The following BTBD2 variants were observed in gnomAD, a reference collection of about 807,000 sequenced individuals.
BTBD2 encodes BTB/POZ domain-containing protein 2.
BTBD2 carries 15 observed loss-of-function variants against 44.0 expected under a neutral mutation model. The observed-to-expected ratio is 0.34, with a 90% CI of 0.23 to 0.53. The LOEUF (loss-of-function observed/expected upper bound fraction) is 0.53, where lower values mean the gene tolerates loss of function less well. Ranked by LOEUF, BTBD2 falls within the 20% of genes least tolerant of loss-of-function variation. The pLI is 0.95. For missense variants in BTBD2, 657 were observed against 746.4 expected (o/e 0.88, Z 1.39); for synonymous variants, 443 against 335.9 (o/e 1.32, Z -3.49).
intron 2 of BTBD2, among the ~76,000 whole-genome samples, chr19:1,996,113 T>C (rs549491490): frequency 1.3e-5 from 2 of 152,186 alleles, no homozygotes; most frequent in Non-Finnish European, 2.9e-5. Flanking sequence ...TTTAACCCTA[T>C]GTGCAAAGGT....
chr19:1,993,247 C>T (rs2016206075), intron 2 of BTBD2, 71 bp from the exon 3 acceptor site: 2 of 1,510,296 alleles, frequency 1.3e-6, no homozygotes, highest in East Asian at 5.1e-5. Context: ...CGTCAGGGGA[C>T]CACTCAGACC....
chr19:2,013,747 C>G, intron 1 of BTBD2: 1 of 913,622 alleles, frequency 1.1e-6, no homozygotes, highest in African/African-American at 1.8e-5. Context: ...GTTTGAAGGT[C>G]TCTGATCCAG....
chr19:2,001,764 G>A (rs1599356466), intron 1 of BTBD2, among the ~76,000 whole-genome samples: 1 of 152,216 alleles, frequency 6.6e-6, no homozygotes, highest in East Asian at 1.9e-4. Flanking sequence ...TTGAGACGGA[G>A]TCTCGCTCTG....
intron 3 of BTBD2, among the ~76,000 whole-genome samples, 183 bp downstream of exon 3, chr19:1,992,837 G>A (rs2016197914): frequency 1.3e-5 from 2 of 152,184 alleles, no homozygotes; most frequent in South Asian, 4.1e-4. Context: ...CTCCCAAAGT[G>A]CCGGGATTAC....
intron 2 of BTBD2, among the ~76,000 whole-genome samples, chr19:1,993,717 T>C (rs1009155288): frequency 1.3e-5 from 2 of 151,494 alleles, no homozygotes; most frequent in Non-Finnish European, 2.9e-5. Flanking sequence ...AAGCACAGGC[T>C]GGGCCTGGTG....
intron 1 of BTBD2, among the ~76,000 whole-genome samples, chr19:1,999,687 G>A (rs773258063): frequency 3.5e-4 from 53 of 151,518 alleles, no homozygotes; most frequent in Non-Finnish European, 7.2e-4. Flanking sequence ...AAGGCCAGGT[G>A]CAGTGGCTCA....
At position 2,007,183 on chromosome 19, in the gene BTBD2, G is replaced by GT. The variant is rs541661128; in HGVS notation, c.407+8113dup. Among the ~76,000 whole-genome samples, 27 of 152,172 alleles carry GT rather than the reference G, an allele frequency of 1.8e-4. No individual in the cohort carries two copies. The East Asian group carries it at 5.0e-3, about 28-fold the overall frequency. On this transcript the variant is annotated intron_variant, in intron 1 of 8. Transcript: ENST00000255608. Reference sequence around the variant, plus strand: ...TTTTTGTATTTTTAGTAGAGACGGAGTATCACCATGTTGGCCAGGCTGGTC... The same window carrying GT: ...TTTTTGTATTTTTAGTAGAGACGGAGTTATCACCATGTTGGCCAGGCTGGTC...
chr19:1,999,435 G>T (rs1344757285), intron 1 of BTBD2, among the ~76,000 whole-genome samples: 1 of 152,218 alleles, frequency 6.6e-6, no homozygotes, highest in Non-Finnish European at 1.5e-5. Flanking sequence ...GGAGACCAAG[G>T]CGGGAGGATC....
At chr19:1,997,517 C>T (rs1466559272) in intron 1 of BTBD2, 54 bp from the exon 2 acceptor site, 20 of 1,606,778 alleles carry the variant, frequency 1.2e-5, no homozygotes, top group Admixed American at 1.7e-5. Flanking sequence ...ACCCCACGGC[C>T]GGGAGGGCCA....
chr19:1,997,602 G>A lies in BTBD2; in HGVS notation c.408-139C>T, dbSNP rs1008823302. 4 of 1,296,238 alleles carry A rather than the reference G, an allele frequency of 3.1e-6. No homozygotes were observed. In the African/African-American group the frequency reaches 6.0e-5, roughly 19 times the overall value. The allele number at this position is 1,296,238 out of a possible 1,614,324, so 80.3% of individuals were successfully genotyped here. A position where few individuals can be genotyped will look rare whatever the true frequency, so the allele number is the denominator to read the frequency against. On this transcript the variant is annotated intron_variant, in intron 1 of 8. Coordinates refer to ENST00000255608, the MANE Select transcript of BTBD2 (RefSeq NM_017797.4). ...GCAGGCATGTACCAGGCCCCCCGATGGCAGAGGCTTCTGGAAGGGGCCTGG... is the reference window on the plus strand; with the variant it reads ...GCAGGCATGTACCAGGCCCCCCGATAGCAGAGGCTTCTGGAAGGGGCCTGG...
In BTBD2 at chr19:2,015,333, C is replaced by T. The variant is rs755224167; in HGVS notation, c.371G>A (p.Gly124Asp). ...GATGCGCTGCGAGCTGAGCCCCTTG[C>T]CCACCAGGAAGTGCACGTCGCACAG... ...EVLCDVHFLV[G>D]KGLSSQRIPA... Residue 124 changes from glycine (G) to aspartate (D), a missense_variant, in exon 1 of 9, where the codon GGC becomes GAC. This residue lies in a region of BTBD2 where 191 missense variants were observed against 188.5 expected (regional missense o/e 1.01). Coordinates refer to ENST00000255608, the MANE Select transcript of BTBD2 (RefSeq NM_017797.4). 1.9e-6 allele frequency: 3 copies of T among 1,580,292 alleles called. No homozygotes were observed. Among genetic ancestry groups the T allele is most frequent in the South Asian group, 1.1e-5 (1 of 88,718 alleles).
chr19:2,011,653 G>A (rs1466420413), intron 1 of BTBD2, among the ~76,000 whole-genome samples: 1 of 152,052 alleles, frequency 6.6e-6, no homozygotes, highest in Non-Finnish European at 1.5e-5. Flanking sequence ...AACTGCACAG[G>A]TCCACTCATA....
At chr19:2,009,563 G>C (rs894085943) in intron 1 of BTBD2, among the ~76,000 whole-genome samples, 2 of 151,202 alleles carry the variant, frequency 1.3e-5, no homozygotes, top group Non-Finnish European at 2.9e-5. Flanking sequence ...ATAAAGATAC[G>C]TTAGGCTGGG....
intron 5 of BTBD2, among the ~76,000 whole-genome samples, chr19:1,989,098 A>T (rs1001566275): frequency 1.3e-5 from 2 of 152,158 alleles, no homozygotes; most frequent in Non-Finnish European, 2.9e-5. Context: ...TGTATTTTTA[A>T]GAAGTATGTA....
At chr19:1,999,197 A>G (rs574899417) in intron 1 of BTBD2, among the ~76,000 whole-genome samples, 1 of 152,242 alleles carries the variant, frequency 6.6e-6, no homozygotes. Context: ...ACTGCACCCC[A>G]GAGTCAGGTC....
chr19:2,003,373 C>A (rs2016353586), intron 1 of BTBD2: 1 of 152,144 alleles, frequency 6.6e-6, no homozygotes. Flanking sequence ...ACTCGGGAGG[C>A]TGAAGCAAGA....
rs772386432 is a variant in BTBD2 at position 1,986,457 on chromosome 19, C to T, written c.*31G>A. On this transcript the variant is annotated 3_prime_UTR_variant, in exon 9 of 9. Coordinates refer to ENST00000255608, the MANE Select transcript of BTBD2 (RefSeq NM_017797.4). Reference sequence around the variant, plus strand: ...TGGCCTGGGGCTGCGGCTATCCCCACGGAGGGAGGGCGGTGTCGGTGTCGG... The same window carrying T: ...TGGCCTGGGGCTGCGGCTATCCCCATGGAGGGAGGGCGGTGTCGGTGTCGG... 3.0e-5 allele frequency: 48 copies of T among 1,608,528 alleles called. No homozygotes were observed. The highest frequency in any genetic ancestry group is 2.5e-4 in the Admixed American group (15 of 59,862).
In BTBD2 at chr19:2,008,589, C is replaced by CTTTTTTTTTTTTTTTTT. The variant is rs34228593; in HGVS notation, c.407+6691_407+6707dup. On this transcript the variant is annotated intron_variant, in intron 1 of 8. Coordinates refer to ENST00000255608, the MANE Select transcript of BTBD2 (RefSeq NM_017797.4). ...TACAGGCGTGAGCCACTGTGCCCAG[C>CTTTTTTTTTTTTTTTTT]TTTTTTTTTTTTTTTTTTTAGGGAC... 3.9e-5 allele frequency among the ~76,000 whole-genome samples: 5 copies of CTTTTTTTTTTTTTTTTT among 126,596 alleles called. 1 individual carries two copies. The highest frequency in any genetic ancestry group is 1.6e-4 in the African/African-American group (5 of 32,012). 83.1% of individuals were successfully genotyped at this position (126,596 alleles called of 152,430 possible). A position where few individuals can be genotyped will look rare whatever the true frequency, so the allele number is the denominator to read the frequency against.
rs1599364842 is a variant in BTBD2, at chr19:2,015,522, G to T, written c.182C>A (p.Ala61Asp). The part of the protein sequence containing the change: ...AAAAPGPTPP[A>D]PPGPGTDAQA... ...CGCGTCTGTCCCGGGGCCCGGCGGG[G>T]CGGGCGGCGTCGGCCCAGGGGCGGC... The change falls in exon 1 of 9, where the codon GCC becomes GAC. Residue 61 changes from alanine to aspartate, a missense_variant. Around this residue, in one of 3 missense-constraint regions of BTBD2, gnomAD observed 191 missense variants for 188.5 expected, o/e 1.01. Coordinates refer to ENST00000255608, the MANE Select transcript of BTBD2 (RefSeq NM_017797.4). 5 of 970,914 alleles carry T rather than the reference G, an allele frequency of 5.1e-6. No homozygotes were observed. In the South Asian group the frequency reaches 2.3e-4, roughly 45 times the overall value. 60.1% of individuals were successfully genotyped at this position (970,914 alleles called of 1,614,324 possible).
Sources: gnomAD v4.1 joint callset for allele counts (sites outside exome capture counted in the v4.1 genomes callset) on GRCh38, gnomAD v4.1.1 for gene constraint, gnomAD v4.1.1 regional missense constraint, MANE v1.5 for transcripts, NCBI Gene and HGNC (gene_info 2026-07-23, HGNC 2026-07-21) for gene names.